ATRN: variants seen among roughly 807,000 people sequenced by gnomAD.
ATRN encodes the protein attractin, also known as attractin-2.
ATRN carries 54 observed loss-of-function variants against 178.7 expected under a neutral mutation model. The observed-to-expected ratio is 0.30, with a 90% confidence interval of 0.24 to 0.38. The LOEUF (loss-of-function observed/expected upper bound fraction) is 0.38, where lower values mean the gene tolerates loss of function less well. Among genes scored for constraint, ATRN ranks in the 10% least tolerant of loss-of-function variants. ATRN has a pLI of 1.00. For missense variants in ATRN, 1,443 were observed against 1,815.1 expected (o/e 0.79, Z 3.73); for synonymous variants, 636 against 663.0 (o/e 0.96, Z 0.63).
chr20:3,567,161 A>G lies in ATRN; in HGVS notation c.1871+1729A>G, dbSNP rs1055314703. ...AATCATAATCTTGAACTTCCTCAGT[A>G]CAGAAGACCCTTAAAGCTTTCTAGC... On this transcript the variant is annotated intron_variant, in intron 11 of 28. Transcript: ENST00000262919. 2.0e-5 allele frequency among the ~76,000 whole-genome samples: 3 copies of G among 152,146 alleles called. No individual in the cohort carries two copies. In the East Asian group the frequency reaches 5.8e-4, roughly 29 times the overall value.
At chr20:3,586,176 C>A (rs1207340703) in intron 18 of ATRN, among the ~76,000 whole-genome samples, 1 of 152,176 alleles carries the variant, frequency 6.6e-6, no homozygotes, top group Non-Finnish European at 1.5e-5. Flanking sequence ...AAAGTGAAAA[C>A]AAGCCAAATA....
intron 6 of ATRN, among the ~76,000 whole-genome samples, chr20:3,556,095 T>C (rs2085872829): frequency 6.6e-6 from 1 of 150,528 alleles, no homozygotes; most frequent in East Asian, 1.9e-4. Flanking sequence ...AATGAAAATT[T>C]AATTACTGAC....
At chr20:3,564,045 C>T (rs544840336) in intron 10 of ATRN, among the ~76,000 whole-genome samples, 1 of 152,314 alleles carries the variant, frequency 6.6e-6, no homozygotes, top group African/African-American at 2.4e-5. Flanking sequence ...TTCTTCCTCC[C>T]CACAATGCCT....
In ATRN at chr20:3,646,834, G is replaced by A. The variant is rs373799022; in HGVS notation, c.4277G>A (p.Gly1426Glu). ...NRKQQPPAQP[G>E]TCI ...AAGCAGCAGCCCCCTGCACAGCCTG[G>A]GACCTGCATCTGATGCTGGGGCCAG... The change falls in exon 29 of 29, where the codon GGG (glycine) becomes GAG (glutamate). Residue 1426 changes from glycine (G) to glutamate (E), a missense_variant. Transcript: ENST00000262919. 4 of 1,613,188 alleles carry A rather than the reference G, an allele frequency of 2.5e-6. No homozygotes were observed. The highest frequency in any genetic ancestry group is 2.2e-5 in the South Asian group (2 of 90,714).
intron 1 of ATRN, among the ~76,000 whole-genome samples, chr20:3,520,928 T>G (rs934545716): frequency 6.6e-6 from 1 of 152,226 alleles, no homozygotes; most frequent in African/African-American, 2.4e-5. Flanking sequence ...GAATAAATTA[T>G]GTAGTCTCAT....
At chr20:3,624,474 G>T in intron 24 of ATRN, 37 bp from the exon 25 acceptor site, 1 of 1,544,078 alleles carries the variant, frequency 6.5e-7, no homozygotes, top group South Asian at 1.1e-5. Context: ...GTGGTTTCAT[G>T]ACCTGCATAA....
At chr20:3,490,559 C>T (rs1450103424) in intron 1 of ATRN, 1 of 1,085,648 alleles carries the variant, frequency 9.2e-7, no homozygotes, top group East Asian at 2.4e-5. Flanking sequence ...TTCTCAGATG[C>T]CTTCACGTTA....
intron 1 of ATRN, among the ~76,000 whole-genome samples, chr20:3,528,171 C>T (rs2085398566): frequency 6.6e-6 from 1 of 151,844 alleles, no homozygotes; most frequent in African/African-American, 2.4e-5. Context: ...GAGTTCAAAC[C>T]AGCCTGGCCA....
chr20:3,587,299 C>A (rs774817151), intron 18 of ATRN, among the ~76,000 whole-genome samples: 18 of 151,980 alleles, frequency 1.2e-4, no homozygotes, highest in Non-Finnish European at 2.4e-4. Flanking sequence ...AAAATCAGTG[C>A]CCAAGTAACC....
rs576640321 is a variant in ATRN at position 3,640,336 on chromosome 20, TAG to T, written c.4050+1403_4050+1404del. On this transcript the variant is annotated intron_variant, in intron 27 of 28. Transcript: ENST00000262919. ...AATGCAGCTCAGAGAGACAAGGAGA[TAG>T]AAAGTACAATAGATACTAAGAATAT... Among the ~76,000 whole-genome samples, 11 of 152,112 alleles carry T rather than the reference TAG, an allele frequency of 7.2e-5. 1 individual carries two copies. In the East Asian group the frequency reaches 1.9e-3, roughly 27 times the overall value.
intron 1 of ATRN, among the ~76,000 whole-genome samples, chr20:3,527,794 A>G (rs1262165912): frequency 6.6e-6 from 1 of 152,026 alleles, no homozygotes; most frequent in Non-Finnish European, 1.5e-5. Context: ...GCTGGAAACC[A>G]CCATTCTCAG....
At chr20:3,486,933 A>C (rs1195041581) in intron 1 of ATRN, among the ~76,000 whole-genome samples, 1 of 152,140 alleles carries the variant, frequency 6.6e-6, no homozygotes, top group African/African-American at 2.4e-5. Flanking sequence ...ATTATCTCTT[A>C]GTACGACTTT....
chr20:3,603,960 T>A (rs2086645683), intron 23 of ATRN, 145 bp from the exon 24 acceptor site: 6 of 612,760 alleles, frequency 9.8e-6, no homozygotes, highest in Non-Finnish European at 1.6e-5. Flanking sequence ...GAGGATTAAA[T>A]GAGATTGAGC....
At chr20:3,582,664 T>G (rs2086297325) in intron 16 of ATRN, among the ~76,000 whole-genome samples, 1 of 152,010 alleles carries the variant, frequency 6.6e-6, no homozygotes, top group African/African-American at 2.4e-5. Context: ...AAAAGCAAAT[T>G]TATTGGTGTT....
At chr20:3,563,437 GA>G in intron 10 of ATRN, 74 bp downstream of exon 10, 1 of 1,441,364 alleles carries the variant, frequency 6.9e-7, no homozygotes, top group South Asian at 1.5e-5. Context: ...AAAGGAGACT[GA>G]AAATATTGCC....
Position 3,559,428 on chromosome 20 carries a change from A to C in ATRN, c.1148A>C (p.Asn383Thr). ...DLASREWLPL[N>T]RSVNNVVVRY... ...GCTTCTAGGGAGTGGCTTCCACTAA[A>C]CCGTTCTGTGAACAATGTGGTTGTT... The change falls in exon 7 of 29, where the codon AAC (asparagine) becomes ACC (threonine). Residue 383 changes from asparagine (N) to threonine (T), a missense_variant. By Grantham distance (65) the Asn-to-Thr change is moderately conservative. Coordinates refer to ENST00000262919, the MANE Select transcript of ATRN (RefSeq NM_139321.3). 1 of 1,613,960 alleles carries C rather than the reference A, an allele frequency of 6.2e-7. No homozygotes were observed. Among genetic ancestry groups the C allele is most frequent in the Non-Finnish European group, 8.5e-7 (1 of 1,179,884 alleles).
At chr20:3,542,077 A>T (rs2085630157) in intron 3 of ATRN, among the ~76,000 whole-genome samples, 1 of 152,242 alleles carries the variant, frequency 6.6e-6, no homozygotes, top group African/African-American at 2.4e-5. Context: ...TTCACTTACA[A>T]GGCCAAAGAG....
chr20:3,638,950 C>A lies in ATRN; in HGVS notation c.4050+15C>A, dbSNP rs370681120. 51 of 1,604,340 alleles carry A rather than the reference C, an allele frequency of 3.2e-5. 1 individual carries two copies. The African/African-American group carries it at 6.4e-4, about 20-fold the overall frequency. ...GGAGTATAAAGGTGAGAATGTGACT[C>A]AGAAGTCCCTATAACTTGACTTTTT... On this transcript the variant is annotated intron_variant, in intron 27 of 28. Coordinates refer to ENST00000262919, the MANE Select transcript of ATRN (RefSeq NM_139321.3). The surrounding 1 kb of genome is among the most constrained non-coding windows in gnomAD (Gnocchi z 4.5).
chr20:3,574,028 G>GTA lies in ATRN; in HGVS notation c.2092+1078_2092+1079dup, dbSNP rs200302890. Among the ~76,000 whole-genome samples, 1,258 of 152,220 alleles carry GTA rather than the reference G, an allele frequency of 8.3e-3. 25 individuals are homozygous for GTA. Among genetic ancestry groups the GTA allele is most frequent in the Admixed American group, 0.052 (794 of 15,280 alleles). ...GTTGGAATTACAGGCGTGAGCTACT[G>GTA]TACATGGCCAGAAAGTTCTTTAAAA... is the stretch of plus-strand genomic sequence containing the variant. On this transcript the variant is annotated intron_variant, in intron 12 of 28. Transcript: ENST00000262919.
Sources: gnomAD v4.1 joint callset for allele counts (sites outside exome capture counted in the v4.1 genomes callset) on GRCh38, gnomAD v4.1.1 for gene constraint, Gnocchi (gnomAD v3.1) non-coding constraint, MANE v1.5 for transcripts, NCBI Gene and HGNC (gene_info 2026-07-23, HGNC 2026-07-21) for gene names.